The following NCKAP5 variants were observed in gnomAD, a reference collection of about 807,000 sequenced individuals.
NCKAP5 encodes the protein NCK associated protein 5, also known as nck-associated protein 5.
Under a neutral mutation model 167.0 loss-of-function variants are expected in NCKAP5, and 92 were observed. The observed-to-expected ratio is 0.55, with a 90% CI of 0.47 to 0.66. The LOEUF is 0.66. Ranked by LOEUF, NCKAP5 falls within the 30% of genes least tolerant of loss-of-function variation. NCKAP5 has a pLI of 0.00. For synonymous variants in NCKAP5, 891 were observed against 877.4 expected, an observed-to-expected ratio of 1.02 and a Z score of -0.27; for missense variants, 2,378 against 2,315.0, an observed-to-expected ratio of 1.03 and a Z score of -0.56.
the NCKAP5 span, among the ~76,000 whole-genome samples, chr2:133,583,480 A>C: frequency 6.6e-6 from 1 of 152,166 alleles, no homozygotes; most frequent in South Asian, 2.1e-4. Context: ...GATTCCTGTA[A>C]GCCCTGCACT....
At chr2:132,697,992 G>C (rs1687509634) in intron 19 of NCKAP5, among the ~76,000 whole-genome samples, 1 of 152,064 alleles carries the variant, frequency 6.6e-6, no homozygotes, top group South Asian at 2.1e-4. Context: ...TTGTCATTTT[G>C]TGCCTTTTAT....
intron 8 of NCKAP5, among the ~76,000 whole-genome samples, chr2:132,895,816 C>CAAAAAAAAAAAAAA (rs59012786): frequency 9.5e-6 from 1 of 105,250 alleles, no homozygotes; most frequent in Non-Finnish European, 2.0e-5. Context: ...GAGAAGGACT[C>CAAAAAAAAAAAAAA]AAAAAAAAAA....
At chr2:133,667,496 T>C in the NCKAP5 span, among the ~76,000 whole-genome samples, 1 of 152,032 alleles carries the variant, frequency 6.6e-6, no homozygotes, top group African/African-American at 2.4e-5. Flanking sequence ...CAGGTTGTTT[T>C]CCACTCAGAC....
At position 132,787,603 on chromosome 2, in the gene NCKAP5, A is replaced by C. The variant is rs535465048; in HGVS notation, c.1093-1885T>G. 2.6e-5 allele frequency among the ~76,000 whole-genome samples: 4 copies of C among 152,270 alleles called. No homozygotes were observed. In the South Asian group the frequency reaches 8.3e-4, roughly 32 times the overall value. On this transcript the variant is annotated intron_variant, in intron 13 of 19. Coordinates refer to ENST00000409261, the MANE Select transcript of NCKAP5 (RefSeq NM_207363.3). ...CTTGCTATCAACAACGCACACATTTATTTGTTTTTAAATCAAATTATAAAT... is the reference window on the plus strand; with the variant it reads ...CTTGCTATCAACAACGCACACATTTCTTTGTTTTTAAATCAAATTATAAAT...
At chr2:133,057,427 A>G (rs1412003724) in intron 6 of NCKAP5, among the ~76,000 whole-genome samples, 1 of 152,220 alleles carries the variant, frequency 6.6e-6, no homozygotes, top group Non-Finnish European at 1.5e-5. Flanking sequence ...CAAAGGAAAA[A>G]CACTTGAAGG....
At chr2:133,159,294 C>A (rs535037296) in intron 5 of NCKAP5, among the ~76,000 whole-genome samples, 2 of 152,210 alleles carry the variant, frequency 1.3e-5, no homozygotes, top group East Asian at 3.9e-4. Context: ...CTTCAGGGAA[C>A]CAGATTCTGC....
intron 4 of NCKAP5, among the ~76,000 whole-genome samples, chr2:133,286,582 A>G (rs947815960): frequency 1.3e-5 from 2 of 152,240 alleles, no homozygotes; most frequent in Non-Finnish European, 2.9e-5. Context: ...GAAAAATCAT[A>G]AAGTTAGTTA....
chr2:132,732,234 T>C (rs1266455998), intron 16 of NCKAP5, among the ~76,000 whole-genome samples, 183 bp from the exon 17 acceptor site: 2 of 139,694 alleles, frequency 1.4e-5, no homozygotes, highest in Non-Finnish European at 3.0e-5. Flanking sequence ...TAGGTGGGAA[T>C]TGAACAATGA....
intron 3 of NCKAP5, among the ~76,000 whole-genome samples, chr2:133,476,419 C>T (rs966263958): frequency 5.9e-5 from 9 of 152,186 alleles, no homozygotes; most frequent in Non-Finnish European, 1.0e-4. Context: ...CAATTCTAAT[C>T]GGGCTGCCCT....
intron 5 of NCKAP5, among the ~76,000 whole-genome samples, chr2:133,209,543 C>G (rs2086112460): frequency 6.6e-6 from 1 of 151,544 alleles, no homozygotes; most frequent in African/African-American, 2.4e-5. Context: ...TGGATCCAGG[C>G]TGGTCTCACT....
intron 11 of NCKAP5, among the ~76,000 whole-genome samples, chr2:132,849,063 C>T (rs888233991): frequency 6.6e-6 from 1 of 152,082 alleles, no homozygotes; most frequent in East Asian, 1.9e-4. Flanking sequence ...AGATGATCAT[C>T]GTGGATTAAA....
rs1282836121 is a variant in NCKAP5 at position 132,948,377 on chromosome 2, G to GA, written c.579+15342dup. On this transcript the variant is annotated intron_variant, in intron 8 of 19. Coordinates refer to ENST00000409261, the MANE Select transcript of NCKAP5 (RefSeq NM_207363.3). ...GGCAGCAGGTACCCAACTAGTTGCA[G>GA]AGAGAAGTTAAAAGGGACTGTTGCC... Among the ~76,000 whole-genome samples the GA allele has an allele frequency of 8.5e-5, 13 of 152,270 alleles. No homozygotes were observed. The South Asian group carries it at 2.1e-3, about 24-fold the overall frequency.
At chr2:133,587,160 C>A in the NCKAP5 span, among the ~76,000 whole-genome samples, 1 of 152,158 alleles carries the variant, frequency 6.6e-6, no homozygotes, top group Non-Finnish European at 1.5e-5. Context: ...TCAGTCATCA[C>A]ATTTTTCAGA....
At chr2:133,222,347 G>T (rs1335000792) in intron 4 of NCKAP5, among the ~76,000 whole-genome samples, 1 of 151,948 alleles carries the variant, frequency 6.6e-6, no homozygotes, top group Non-Finnish European at 1.5e-5. Context: ...AATAAAACAA[G>T]TGGCACTGTT....
chr2:132,961,402 C>A (rs1292076160), intron 8 of NCKAP5, among the ~76,000 whole-genome samples: 4 of 151,436 alleles, frequency 2.6e-5, no homozygotes, highest in Non-Finnish European at 5.9e-5. Flanking sequence ...AAATAATCTT[C>A]TTATTACCTG....
intron 10 of NCKAP5, among the ~76,000 whole-genome samples, chr2:132,863,818 T>C (rs927448070): frequency 6.6e-6 from 1 of 152,106 alleles, no homozygotes; most frequent in Non-Finnish European, 1.5e-5. Flanking sequence ...TGCCAGAGAG[T>C]TGCCTTCCCA....
chr2:133,267,363 T>C lies in NCKAP5; in HGVS notation c.143+35674A>G, dbSNP rs916839994. On this transcript the variant is annotated intron_variant, in intron 4 of 19. Coordinates refer to ENST00000409261, the MANE Select transcript of NCKAP5 (RefSeq NM_207363.3). ...TAATGAACTAAACAAACAGGTCTCT[T>C]AATCTTATCATGGAGCTGACCCAGA... 5.3e-5 allele frequency: 8 copies of C among 152,196 alleles called. 1 individual carries two copies. The East Asian group carries it at 7.7e-4, about 15-fold the overall frequency. 9.4% of individuals were successfully genotyped at this position (152,196 alleles called of 1,614,324 possible).
rs371712609 is a variant in NCKAP5, at chr2:132,728,958, T to G, written c.5444-6A>C. On this transcript the variant is annotated splice_region_variant and splice_polypyrimidine_tract_variant and intron_variant, in intron 17 of 19. Coordinates refer to ENST00000409261, the MANE Select transcript of NCKAP5 (RefSeq NM_207363.3). ...CTTTTGGGAACTGACTTTTCCTAAA[T>G]GAGGACACGTATGTGGAATCACATA... 9.3e-6 allele frequency: 15 copies of G among 1,613,824 alleles called. No homozygotes were observed. Among genetic ancestry groups the G allele is most frequent in the Non-Finnish European group, 1.3e-5 (15 of 1,179,854 alleles).
intron 4 of NCKAP5, among the ~76,000 whole-genome samples, chr2:133,280,745 A>G (rs1443452668): frequency 6.6e-6 from 1 of 152,220 alleles, no homozygotes; most frequent in Non-Finnish European, 1.5e-5. Context: ...TGCCAGTTCT[A>G]TGTAAATAGC....
Sources: allele counts gnomAD v4.1 joint callset (sites outside exome capture counted in the v4.1 genomes callset), GRCh38; gene constraint gnomAD v4.1.1; transcripts MANE v1.5; gene names NCBI Gene and HGNC (gene_info 2026-07-23, HGNC 2026-07-21).